The following BZW1 variants were observed in gnomAD, a reference collection of about 807,000 sequenced individuals.
BZW1 encodes eIF5-mimic protein 2.
In BZW1, 3 loss-of-function variants were observed where a neutral mutation model predicts 54.1. The observed-to-expected ratio is 0.06, with a 90% CI of 0.03 to 0.14. The LOEUF is 0.14. Among genes scored for constraint, BZW1 ranks in the 10% least tolerant of loss-of-function variants. BZW1 has a pLI of 1.00. For synonymous variants in BZW1, 152 were observed against 162.7 expected, an observed-to-expected ratio of 0.93 and a Z score of 0.50; for missense variants, 206 against 491.7, an observed-to-expected ratio of 0.42 and a Z score of 5.50.
chr2:200,824,232 T>A lies in BZW1; in HGVS notation c.*2054T>A, dbSNP rs528047479. The A allele has an allele frequency of 4.7e-4, 71 of 152,302 alleles. No individual in the cohort carries two copies. The highest frequency in any genetic ancestry group is 1.5e-3 in the African/African-American group (62 of 41,568). 9.4% of individuals were successfully genotyped at this position (152,302 alleles called of 1,614,324 possible). ...GAAAGGGAATGCTTTATAAAAAGATTGCAGATTCCATTCCATATAAAAAGA... is the reference window on the plus strand; with the variant it reads ...GAAAGGGAATGCTTTATAAAAAGATAGCAGATTCCATTCCATATAAAAAGA... On this transcript the variant is annotated 3_prime_UTR_variant, in exon 12 of 12. Transcript: ENST00000409600.
rs767517512 is a variant in BZW1 at position 200,816,313 on chromosome 2, T to C, written c.337-12T>C. 1.4e-5 allele frequency: 22 copies of C among 1,563,364 alleles called. No individual in the cohort carries two copies. Among genetic ancestry groups the C allele is most frequent in the Non-Finnish European group, 1.9e-5 (22 of 1,143,480 alleles). ...ATATGAAGTTACTGAATTCATTTAA[T>C]GTTCTTCATAGGTTTTTAACAAGTT... is the stretch of plus-strand genomic sequence containing the variant. On this transcript the variant is annotated splice_polypyrimidine_tract_variant and intron_variant, in intron 4 of 11. Transcript: ENST00000409600.
chr2:200,819,094 A>AAC (rs2038406458), intron 9 of BZW1, 193 bp downstream of exon 9: 1 of 676,730 alleles, frequency 1.5e-6, no homozygotes, highest in Admixed American at 4.1e-5. Context: ...ACAGGTTAAA[A>AAC]ACAAGAATAT....
chr2:200,813,152 G>T, intron 1 of BZW1, 56 bp from the exon 2 acceptor site: 1 of 1,439,174 alleles, frequency 6.9e-7, no homozygotes, highest in Non-Finnish European at 9.7e-7. Flanking sequence ...TTGATGTTTT[G>T]CTTTAAAAAT....
At position 200,813,203 on chromosome 2, in the gene BZW1, C is replaced by G. The variant is rs773240445; in HGVS notation, c.-10-5C>G. The G allele has an allele frequency of 2.5e-6, 4 of 1,611,630 alleles. No homozygotes were observed. The highest frequency in any genetic ancestry group is 3.4e-6 in the Non-Finnish European group (4 of 1,178,454). ...GATATTAAGGCTTTATTTCTCCTTT[C>G]CTAGGGTGTCTTTTATGAATAATCA... On this transcript the variant is annotated splice_polypyrimidine_tract_variant and splice_region_variant and intron_variant, in intron 1 of 11. Coordinates refer to ENST00000409600, the MANE Select transcript of BZW1 (RefSeq NM_001207067.2).
intron 5 of BZW1, among the ~76,000 whole-genome samples, 178 bp from the exon 6 acceptor site, chr2:200,816,928 A>G (rs1575052975): frequency 6.6e-6 from 1 of 152,344 alleles, no homozygotes; most frequent in East Asian, 1.9e-4. Context: ...TGAGGTGCAG[A>G]GGTTAAGTAA....
Position 200,815,699 on chromosome 2 carries a change from C to G in BZW1, c.274C>G (p.Arg92Gly). The change falls in exon 4 of 12, where the codon CGT becomes GGT. Residue 92 changes from arginine to glycine, a missense_variant. Coordinates refer to ENST00000409600, the MANE Select transcript of BZW1 (RefSeq NM_001207067.2). ...PGGTLADDMM[R>G]TDVCVFAAQE... The stretch of plus-strand genomic sequence containing the variant: ...TGGTACACTGGCAGATGACATGATG[C>G]GTACAGATGTCTGCGTGTTTGCAGC... 1 of 1,596,586 alleles carries G rather than the reference C, an allele frequency of 6.3e-7. No homozygotes were observed. The highest frequency in any genetic ancestry group is 8.5e-7 in the Non-Finnish European group (1 of 1,171,070).
chr2:200,817,948 GTTAA>G (rs1457896460), intron 6 of BZW1, 22 bp from the exon 7 acceptor site: 7 of 1,483,950 alleles, frequency 4.7e-6, no homozygotes, highest in African/African-American at 2.8e-5. Flanking sequence ...AGGTACTTCT[GTTAA>G]TTAAGCTATT....
chr2:200,819,063 C>G, intron 9 of BZW1, 162 bp downstream of exon 9: 7 of 845,254 alleles, frequency 8.3e-6, no homozygotes, highest in Non-Finnish European at 1.1e-5. Flanking sequence ...GATGATAATG[C>G]TCTGAATTGG....
chr2:200,812,843 A>G (rs2038137143), intron 1 of BZW1: 1 of 663,990 alleles, frequency 1.5e-6, no homozygotes, highest in Non-Finnish European at 2.8e-6. Context: ...CTATGGTGAT[A>G]ATCTCTCTTT....
rs961813937 is a variant in BZW1, at chr2:200,824,858, G to C, written c.*2680G>C. The C allele has an allele frequency of 2.0e-5, 3 of 151,850 alleles. No individual in the cohort carries two copies. The highest frequency in any genetic ancestry group is 6.6e-5 in the Admixed American group (1 of 15,238). 9.4% of individuals were successfully genotyped at this position (151,850 alleles called of 1,614,324 possible). ...GACTAATTTTTTTGTATTTTTAGTA[G>C]AGACGAGGTTTCACCGGATTAGCGA... On this transcript the variant is annotated 3_prime_UTR_variant, in exon 12 of 12. Transcript: ENST00000409600.
At chr2:200,817,685 T>C (rs1053773552) in intron 6 of BZW1, among the ~76,000 whole-genome samples, 2 of 152,194 alleles carry the variant, frequency 1.3e-5, no homozygotes, top group African/African-American at 2.4e-5. Flanking sequence ...AGTATTTAAG[T>C]TACCTTACTG....
At chr2:200,820,373 A>T (rs1292703224) in intron 10 of BZW1, among the ~76,000 whole-genome samples, 10 of 152,166 alleles carry the variant, frequency 6.6e-5, no homozygotes, top group Non-Finnish European at 1.5e-5. Context: ...CTATACTCTT[A>T]ACCAGGTATA....
intron 6 of BZW1, among the ~76,000 whole-genome samples, chr2:200,817,472 A>G (rs2038337154): frequency 1.3e-5 from 2 of 152,204 alleles, no homozygotes; most frequent in South Asian, 4.1e-4. Context: ...ATGTTGTTAT[A>G]TGTAATAAAA....
In BZW1 at chr2:200,811,959, T is replaced by G; in HGVS notation, c.-42T>G. On this transcript the variant is annotated 5_prime_UTR_variant, in exon 1 of 12. Transcript: ENST00000409600. ...GCCGCAGTTGCCGGTACATCGGGGA[T>G]TTCTGGCTCTTTCCTCTTCGCCTTA... 3 of 309,978 alleles carry G rather than the reference T, an allele frequency of 9.7e-6. No individual in the cohort carries two copies. Among genetic ancestry groups the G allele is most frequent in the Non-Finnish European group, 1.2e-5 (2 of 169,948 alleles). The allele number at this position is 309,978 out of a possible 1,614,324, so 19.2% of individuals were successfully genotyped here. A position where few individuals can be genotyped will look rare whatever the true frequency, so the allele number is the denominator to read the frequency against.
chr2:200,821,851 A>G (rs2038529984), intron 11 of BZW1, among the ~76,000 whole-genome samples: 2 of 152,162 alleles, frequency 1.3e-5, no homozygotes, highest in South Asian at 2.1e-4. Context: ...CGATCAGGTC[A>G]TTTGAGGCCA....
Position 200,816,310 on chromosome 2 carries a change from T to G in BZW1, c.337-15T>G. 1 of 1,561,420 alleles carries G rather than the reference T, an allele frequency of 6.4e-7. No individual in the cohort carries two copies. Among genetic ancestry groups the G allele is most frequent in the Non-Finnish European group, 8.8e-7 (1 of 1,141,872 alleles). ...AATATATGAAGTTACTGAATTCATTTAATGTTCTTCATAGGTTTTTAACAA... is the reference window on the plus strand; with the variant it reads ...AATATATGAAGTTACTGAATTCATTGAATGTTCTTCATAGGTTTTTAACAA... On this transcript the variant is annotated splice_polypyrimidine_tract_variant and intron_variant, in intron 4 of 11. Coordinates refer to ENST00000409600, the MANE Select transcript of BZW1 (RefSeq NM_001207067.2).
In BZW1 at chr2:200,826,761, T is replaced by TA. The variant is rs982988305; in HGVS notation, c.*4586dup. The stretch of plus-strand genomic sequence containing the variant: ...TTATCCAGAAGGACTGATAGCTTGT[T>TA]AAACTGTGGTATGATTAGAATGTTG... On this transcript the variant is annotated 3_prime_UTR_variant, in exon 12 of 12. Transcript: ENST00000409600. The TA allele has an allele frequency of 9.9e-5, 15 of 152,170 alleles. No individual in the cohort carries two copies. Among genetic ancestry groups the TA allele is most frequent in the African/African-American group, 2.9e-4 (12 of 41,438 alleles). The allele number at this position is 152,170 out of a possible 1,614,324, so 9.4% of individuals were successfully genotyped here. A position where few individuals can be genotyped will look rare whatever the true frequency, so the allele number is the denominator to read the frequency against.
intron 1 of BZW1, chr2:200,812,434 G>A: frequency 7.7e-7 from 1 of 1,293,404 alleles, no homozygotes; most frequent in Non-Finnish European, 9.8e-7. Context: ...GGGCCCCGGC[G>A]CAAAGCGCCT....
intron 2 of BZW1, among the ~76,000 whole-genome samples, chr2:200,813,625 G>A (rs2038171231): frequency 6.6e-6 from 1 of 152,118 alleles, no homozygotes; most frequent in Non-Finnish European, 1.5e-5. Context: ...ATTTATAAAA[G>A]GAGAACTCCT....
Sources: allele counts gnomAD v4.1 joint callset (sites outside exome capture counted in the v4.1 genomes callset), GRCh38; gene constraint gnomAD v4.1.1; transcripts MANE v1.5; gene names NCBI Gene and HGNC (gene_info 2026-07-23, HGNC 2026-07-21).